Variants in AKR1C2 observed in about 807,000 individuals in gnomAD.
The protein encoded by AKR1C2 is aldo-keto reductase family 1 member C2, also known as 3-alpha-HSD3.
AKR1C2 carries 27 observed loss-of-function variants against 39.8 expected under a neutral mutation model. The observed-to-expected ratio is 0.68, with a 90% confidence interval of 0.50 to 0.93. AKR1C2 has a LOEUF of 0.93. AKR1C2 is among the 40% of genes least tolerant of loss of function. The pLI, the probability that AKR1C2 is intolerant of heterozygous loss-of-function variation, is 0.00. For synonymous variants in AKR1C2, 114 were observed against 137.9 expected (o/e 0.83, Z 1.22); for missense variants, 263 against 365.1 (o/e 0.72, Z 2.28).
chr10:5,001,829 G>GGGAT, intron 1 of AKR1C2, 148 bp from the exon 2 acceptor site: 3 of 1,079,280 alleles, frequency 2.8e-6, no homozygotes, highest in Non-Finnish European at 4.0e-6. Context: ...CAGTCTGACT[G>GGGAT]GGTCTTTCCC....
chr10:4,995,741 T>C lies in AKR1C2; in HGVS notation c.680+15A>G. 1 of 1,606,610 alleles carries C rather than the reference T, an allele frequency of 6.2e-7. No homozygotes were observed. Among genetic ancestry groups the C allele is most frequent in the Admixed American group, 1.7e-5 (1 of 57,790 alleles). ...AAACCAGTGTTTTAGGTAAACTTCCTGTATCTCTTATTACCATGGTTCTTC... is the reference window on the plus strand; with the variant it reads ...AAACCAGTGTTTTAGGTAAACTTCCCGTATCTCTTATTACCATGGTTCTTC... On this transcript the variant is annotated intron_variant, in intron 6 of 8. Coordinates refer to ENST00000380753, the MANE Select transcript of AKR1C2 (RefSeq NM_001393392.1).
intron 1 of AKR1C2, chr10:5,013,326 T>G (rs1237623844): frequency 6.6e-6 from 1 of 152,242 alleles, no homozygotes; most frequent in African/African-American, 2.4e-5. Context: ...TTACATTATT[T>G]AATATTTATG....
chr10:5,012,482 G>C lies in AKR1C2; in HGVS notation c.-88+5418C>G, dbSNP rs112041101. 3.6e-3 allele frequency among the ~76,000 whole-genome samples: 549 copies of C among 151,146 alleles called. 16 individuals are homozygous for C. Among genetic ancestry groups the C allele is most frequent in the African/African-American group, 0.013 (515 of 40,664 alleles). On this transcript the variant is annotated intron_variant, in intron 1 of 6. Transcript: ENST00000604507. ...GGCACCCAGGAGGGCCACAATCAAA[G>C]AGGATGTGTAAGGAAAGACCCATAG...
rs1201897793 is a variant in AKR1C2 at position 4,989,166 on chromosome 10, A to AT, written c.*829dup. On this transcript the variant is annotated 3_prime_UTR_variant, in exon 9 of 9. Transcript: ENST00000380753. The stretch of plus-strand genomic sequence containing the variant: ...AATATGAGCTATTCAGGGGAATGTG[A>AT]TGAGTCAATGATATCTTCGATGTCC... The AT allele has an allele frequency of 6.6e-6, 1 of 152,208 alleles. No homozygotes were observed. The allele number at this position is 152,208 out of a possible 1,614,324, so 9.4% of individuals were successfully genotyped here.
rs781824324 is a variant in AKR1C2 at position 5,001,633 on chromosome 10, C to T, written c.133G>A (p.Gly45Arg). Residue 45 changes from glycine to arginine, a missense_variant, in exon 2 of 9, where the codon GGG (glycine) becomes AGG (arginine). Gly to Arg is a moderately radical substitution (Grantham distance 125). Transcript: ENST00000380753. ...LEAVKLAIEA[G>R]FHHIDSAHVY... ...TGTGCAGAATCAATATGGTGGAACC[C>T]GGCTTCTATTGCCAATTTGACGGCC... is the stretch of plus-strand genomic sequence containing the variant. The T allele has an allele frequency of 1.7e-5, 28 of 1,613,960 alleles. No individual in the cohort carries two copies. The highest frequency in any genetic ancestry group is 2.2e-5 in the East Asian group (1 of 44,884).
At chr10:5,015,631 T>C (rs1315116427) in intron 1 of AKR1C2, among the ~76,000 whole-genome samples, 2 of 152,116 alleles carry the variant, frequency 1.3e-5, no homozygotes, top group Non-Finnish European at 2.9e-5. Context: ...CCCCAGACAA[T>C]GTAAGGTGTT....
At chr10:4,994,119 T>C (rs1164606087) in intron 7 of AKR1C2, among the ~76,000 whole-genome samples, 4 of 151,702 alleles carry the variant, frequency 2.6e-5, no homozygotes, top group Non-Finnish European at 5.9e-5. Context: ...ATATATGTCA[T>C]ATATATGACA....
intron 1 of AKR1C2, among the ~76,000 whole-genome samples, chr10:5,016,888 G>C (rs1837651997): frequency 6.6e-6 from 1 of 152,184 alleles, no homozygotes; most frequent in South Asian, 2.1e-4. Flanking sequence ...CTCTGAGCAG[G>C]CACAGGCTTA....
At chr10:4,998,327 T>C (rs1489968901) in intron 5 of AKR1C2, among the ~76,000 whole-genome samples, 3 of 152,192 alleles carry the variant, frequency 2.0e-5, no homozygotes, top group East Asian at 3.8e-4. Flanking sequence ...TCATCTTTCG[T>C]AGCTTAGGGG....
chr10:5,005,149 A>G (rs557424985), upstream of AKR1C2, among the ~76,000 whole-genome samples: 5 of 152,250 alleles, frequency 3.3e-5, no homozygotes, highest in South Asian at 1.0e-3. Flanking sequence ...GGGATGCAAA[A>G]TTTCATAATA....
intron 2 of AKR1C2, 102 bp downstream of exon 2, chr10:5,001,412 T>C: frequency 3.9e-6 from 6 of 1,519,874 alleles, no homozygotes; most frequent in Non-Finnish European, 5.3e-6. Context: ...TCGAAATAAA[T>C]AAGCACAATT....
rs541986258 is a variant in AKR1C2 at position 4,988,580 on chromosome 10, T to A, written c.*1416A>T. Reference sequence around the variant, plus strand: ...CTTCCAATTTTATAGAATAAGTAATTTACAGAAAAATTGTGAGCTGCAAAA... The same window carrying A: ...CTTCCAATTTTATAGAATAAGTAATATACAGAAAAATTGTGAGCTGCAAAA... On this transcript the variant is annotated 3_prime_UTR_variant, in exon 9 of 9. Coordinates refer to ENST00000380753, the MANE Select transcript of AKR1C2 (RefSeq NM_001393392.1). The A allele has an allele frequency of 5.3e-5, 8 of 152,272 alleles. No homozygotes were observed. The East Asian group carries it at 1.3e-3, about 26-fold the overall frequency. The allele number at this position is 152,272 out of a possible 1,614,324, so 9.4% of individuals were successfully genotyped here. A position where few individuals can be genotyped will look rare whatever the true frequency, so the allele number is the denominator to read the frequency against.
chr10:4,997,284 C>T (rs1313977282), intron 5 of AKR1C2: 4 of 152,040 alleles, frequency 2.6e-5, no homozygotes, highest in African/African-American at 9.7e-5. Context: ...TCAAATACAA[C>T]AATATAAAAA....
At chr10:4,994,018 T>C (rs1383411816) in intron 7 of AKR1C2, among the ~76,000 whole-genome samples, 1 of 151,768 alleles carries the variant, frequency 6.6e-6, no homozygotes. Flanking sequence ...ATTCTCTCGT[T>C]CTCTGTATCA....
intron 1 of AKR1C2, among the ~76,000 whole-genome samples, chr10:5,011,351 T>A (rs1207957929): frequency 2.6e-5 from 4 of 152,216 alleles, no homozygotes; most frequent in African/African-American, 9.6e-5. Context: ...ATTCTGGTGA[T>A]AGCTACACTA....
Position 4,989,011 on chromosome 10 carries a change from G to A in AKR1C2, c.*985C>T, listed in dbSNP as rs562288454. 37 of 152,322 alleles carry A rather than the reference G, an allele frequency of 2.4e-4. No homozygotes were observed. The highest frequency in any genetic ancestry group is 5.9e-4 in the Admixed American group (9 of 15,304). 9.4% of individuals were successfully genotyped at this position (152,322 alleles called of 1,614,324 possible). The stretch of plus-strand genomic sequence containing the variant: ...ATTATTTCCCATTTTAATCTTGAGT[G>A]CCATGCATAATGGCTTTGGGATATT... On this transcript the variant is annotated 3_prime_UTR_variant, in exon 9 of 9. Transcript: ENST00000380753.
chr10:5,011,773 A>T (rs1357995797), intron 1 of AKR1C2, among the ~76,000 whole-genome samples: 1 of 152,282 alleles, frequency 6.6e-6, no homozygotes, highest in African/African-American at 2.4e-5. Flanking sequence ...GAAACACGAG[A>T]GACCCAATGA....
intron 1 of AKR1C2, among the ~76,000 whole-genome samples, chr10:5,010,065 T>A (rs1427309776): frequency 7.0e-6 from 1 of 143,792 alleles, no homozygotes; most frequent in Non-Finnish European, 1.5e-5. Context: ...TATAGAAAGC[T>A]GTCACACTGG....
rs569343925 is a variant in AKR1C2 at position 5,016,893 on chromosome 10, G to A, written c.-88+1007C>T. 3.3e-5 allele frequency among the ~76,000 whole-genome samples: 5 copies of A among 152,312 alleles called. No individual in the cohort carries two copies. In the South Asian group the frequency reaches 1.0e-3, roughly 32 times the overall value. On this transcript the variant is annotated intron_variant, in intron 1 of 6. Transcript: ENST00000604507. ...ATCTCTTAGTCTCTGAGCAGGCACA[G>A]GCTTAAAACTACATGGAAGTCACCA...
Sources: gnomAD v4.1 joint callset for allele counts (sites outside exome capture counted in the v4.1 genomes callset) on GRCh38, gnomAD v4.1.1 for gene constraint, MANE v1.5 for transcripts, NCBI Gene and HGNC (gene_info 2026-07-23, HGNC 2026-07-21) for gene names.